PLA2G4A: variants seen among roughly 807,000 people sequenced by gnomAD.
PLA2G4A encodes cytosolic phospholipase A2.
Under a neutral mutation model 81.9 loss-of-function variants are expected in PLA2G4A, and 40 were observed. The ratio of observed to expected loss-of-function variants is 0.49; its 90% CI spans 0.38 to 0.64. The LOEUF is 0.64. Ranked by LOEUF, PLA2G4A falls within the 30% of genes least tolerant of loss-of-function variation. The probability of loss-of-function intolerance (pLI) is 0.00; values close to 1 mark genes in which losing one functional copy is unlikely to be tolerated. For synonymous variants in PLA2G4A, 302 were observed against 296.9 expected (o/e 1.02, Z -0.18); for missense variants, 715 against 905.1 (o/e 0.79, Z 2.69).
chr1:186,946,724 T>C lies in PLA2G4A; in HGVS notation c.1121T>C (p.Met374Thr). The change falls in exon 11 of 18, where the codon ATG (methionine) becomes ACG (threonine). Residue 374 changes from methionine to threonine, a missense_variant. By Grantham distance (81) the Met-to-Thr change is moderately conservative. Coordinates refer to ENST00000367466, the MANE Select transcript of PLA2G4A (RefSeq NM_024420.3). ...APDLFGSKFF[M>T]GTVVKKYEEN... ...GACTTATTTGGAAGCAAATTTTTTA[T>C]GGGAACAGTCGTTAAGAAGTATGAA... 6.2e-7 allele frequency: 1 copy of C among 1,612,482 alleles called. No homozygotes were observed. Among genetic ancestry groups the C allele is most frequent in the Non-Finnish European group, 8.5e-7 (1 of 1,178,748 alleles).
chr1:186,932,544 A>G (rs1440441199), intron 7 of PLA2G4A, among the ~76,000 whole-genome samples: 1 of 151,754 alleles, frequency 6.6e-6, no homozygotes, highest in Admixed American at 6.6e-5. Context: ...CAGGTGATGC[A>G]CCCGCCTCGG....
intron 6 of PLA2G4A, among the ~76,000 whole-genome samples, chr1:186,908,341 C>A (rs1431345884): frequency 6.6e-6 from 1 of 151,656 alleles, no homozygotes; most frequent in Non-Finnish European, 1.5e-5. Flanking sequence ...AATCATGATT[C>A]TTTTTTAAAA....
At chr1:186,922,911 G>A (rs1008064358) in intron 7 of PLA2G4A, among the ~76,000 whole-genome samples, 1 of 152,320 alleles carries the variant, frequency 6.6e-6, no homozygotes, top group Non-Finnish European at 1.5e-5. Context: ...AATTAGAACA[G>A]AACAGAATAG....
At chr1:186,933,973 A>G (rs1319859316) in intron 8 of PLA2G4A, among the ~76,000 whole-genome samples, 1 of 152,152 alleles carries the variant, frequency 6.6e-6, no homozygotes, top group Non-Finnish European at 1.5e-5. Context: ...AGATTTAGTC[A>G]TGAAACAAAA....
intron 2 of PLA2G4A, among the ~76,000 whole-genome samples, chr1:186,867,638 A>G (rs1363703443): frequency 6.6e-6 from 1 of 151,998 alleles, no homozygotes; most frequent in East Asian, 1.9e-4. Flanking sequence ...CGTTCATGTT[A>G]TCTGTAAACA....
At chr1:186,836,294 C>G (rs1445344293) in intron 1 of PLA2G4A, among the ~76,000 whole-genome samples, 2 of 150,552 alleles carry the variant, frequency 1.3e-5, no homozygotes, top group Admixed American at 1.3e-4. Flanking sequence ...ATATAATATA[C>G]CTTAATAATA....
intron 7 of PLA2G4A, among the ~76,000 whole-genome samples, chr1:186,928,385 A>G (rs557416278): frequency 2.4e-4 from 36 of 152,300 alleles, no homozygotes; most frequent in East Asian, 9.6e-4. Context: ...TATCCTTACT[A>G]TTATAATGTG....
At chr1:186,857,711 C>G (rs1021848064) in intron 2 of PLA2G4A, among the ~76,000 whole-genome samples, 2 of 151,296 alleles carry the variant, frequency 1.3e-5, no homozygotes, top group Non-Finnish European at 2.9e-5. Flanking sequence ...ATTAACTCAT[C>G]ATTTACATTA....
In PLA2G4A at chr1:186,977,658, T is replaced by C. The variant is rs1049559531; in HGVS notation, c.1830T>C (p.Tyr610=). 5 of 1,613,552 alleles carry C rather than the reference T, an allele frequency of 3.1e-6. No individual in the cohort carries two copies. The highest frequency in any genetic ancestry group is 1.6e-4 in the Middle Eastern group (1 of 6,084). ...NKLPFPKIDP[Y]VFDREGLKEC... ...TCCCCTTTCCAAAGATTGATCCTTA[T>C]GTGTTTGATCGGGAAGGGCTGAAGG... is the stretch of plus-strand genomic sequence containing the variant. Residue 610 remains tyrosine, a synonymous_variant, in exon 16 of 18, where the codon TAT becomes TAC. Coordinates refer to ENST00000367466, the MANE Select transcript of PLA2G4A (RefSeq NM_024420.3).
intron 14 of PLA2G4A, among the ~76,000 whole-genome samples, 197 bp downstream of exon 14, chr1:186,956,541 G>T (rs927762243): frequency 2.0e-5 from 3 of 152,058 alleles, no homozygotes; most frequent in African/African-American, 7.2e-5. Context: ...TTGAGACAGG[G>T]TCTCACCCAG....
At chr1:186,906,481 G>T (rs1654740706) in intron 5 of PLA2G4A, among the ~76,000 whole-genome samples, 1 of 152,146 alleles carries the variant, frequency 6.6e-6, no homozygotes, top group Admixed American at 6.5e-5. Flanking sequence ...CCATGAATGG[G>T]TGTTGTATTT....
At chr1:186,851,660 A>G (rs577758574) in intron 1 of PLA2G4A, among the ~76,000 whole-genome samples, 47 of 152,170 alleles carry the variant, frequency 3.1e-4, no homozygotes, top group African/African-American at 1.1e-3. Context: ...CGTAAGGATT[A>G]TATCACTCAA....
At position 186,926,057 on chromosome 1, in the gene PLA2G4A, C is replaced by T. The variant is rs577542646; in HGVS notation, c.559-6706C>T. Among the ~76,000 whole-genome samples the T allele has an allele frequency of 1.4e-4, 21 of 152,248 alleles. No homozygotes were observed. The Middle Eastern group carries it at 0.01, about 74-fold the overall frequency. On this transcript the variant is annotated intron_variant, in intron 7 of 17. Transcript: ENST00000367466. ...GAGTATCAGGTTGCTAGGGAAACAC[C>T]GGTTAAGGAGAAGGTTTTGATGATA...
chr1:186,901,289 G>T (rs768407745), intron 5 of PLA2G4A, among the ~76,000 whole-genome samples: 1 of 152,140 alleles, frequency 6.6e-6, no homozygotes, highest in Non-Finnish European at 1.5e-5. Context: ...ACTAACAATT[G>T]AAACAAGTGA....
chr1:186,906,537 C>T (rs1654743052), intron 5 of PLA2G4A, among the ~76,000 whole-genome samples: 1 of 152,208 alleles, frequency 6.6e-6, no homozygotes, highest in African/African-American at 2.4e-5. Flanking sequence ...CATGTGTGAA[C>T]TTTCACCCAG....
chr1:186,941,020 G>A (rs1384773307), intron 10 of PLA2G4A, among the ~76,000 whole-genome samples: 1 of 148,976 alleles, frequency 6.7e-6, no homozygotes, highest in Non-Finnish European at 1.5e-5. Flanking sequence ...TGGGGCAGGA[G>A]AATGGCATGA....
rs1180313747 is a variant in PLA2G4A, at chr1:186,830,994, C to T, written c.-70+1959C>T. ...TCTTTCTTTCTTTCTTTCTTTCTTT[C>T]TTTCTTTCTTTCTTTCTTTCTTTCT... is the stretch of plus-strand genomic sequence containing the variant. On this transcript the variant is annotated intron_variant, in intron 1 of 17. Coordinates refer to ENST00000367466, the MANE Select transcript of PLA2G4A (RefSeq NM_024420.3). 6.5e-5 allele frequency among the ~76,000 whole-genome samples: 9 copies of T among 137,926 alleles called. No homozygotes were observed. The East Asian group carries it at 1.7e-3, about 27-fold the overall frequency. The allele number at this position is 137,926 out of a possible 152,430, so 90.5% of individuals were successfully genotyped here. A position where few individuals can be genotyped will look rare whatever the true frequency, so the allele number is the denominator to read the frequency against.
At position 186,911,509 on chromosome 1, in the gene PLA2G4A, T is replaced by TTAAGG. The variant is rs563986852; in HGVS notation, c.558+130_558+134dup. 1,629 of 795,904 alleles carry TTAAGG rather than the reference T, an allele frequency of 2.0e-3. 36 individuals carry two copies. In the South Asian group the frequency reaches 0.023, roughly 11 times the overall value. 49.3% of individuals were successfully genotyped at this position (795,904 alleles called of 1,614,324 possible). On this transcript the variant is annotated intron_variant, in intron 7 of 17. Transcript: ENST00000367466. ...GATTGAGCATTATTCCTTTAGTTTT[T>TTAAGG]TAAGGTAAGGTAAGTGATTTGTAAA... is the stretch of plus-strand genomic sequence containing the variant.
At chr1:186,931,803 G>A (rs1655756616) in intron 7 of PLA2G4A, among the ~76,000 whole-genome samples, 1 of 152,148 alleles carries the variant, frequency 6.6e-6, no homozygotes, top group African/African-American at 2.4e-5. Flanking sequence ...GCATTTGTAA[G>A]ACTGAGTGCA....
Sources: allele counts gnomAD v4.1 joint callset (sites outside exome capture counted in the v4.1 genomes callset), GRCh38; gene constraint gnomAD v4.1.1; transcripts MANE v1.5; gene names NCBI Gene and HGNC (gene_info 2026-07-23, HGNC 2026-07-21).